Variants in LRP2 observed in about 807,000 individuals in gnomAD.
The protein encoded by LRP2 is low-density lipoprotein receptor-related protein 2.
LRP2 carries 172 observed loss-of-function variants against 531.0 expected under a neutral mutation model. The ratio of observed to expected loss-of-function variants is 0.32; its 90% CI spans 0.29 to 0.37. LRP2 has a LOEUF of 0.37. Ranked by LOEUF, LRP2 falls within the 10% of genes least tolerant of loss-of-function variation. LRP2 has a pLI of 1.00. For missense variants in LRP2, 5,167 were observed against 5,868.3 expected, an observed-to-expected ratio of 0.88 and a Z score of 3.90; for synonymous variants, 1,992 against 2,027.6, an observed-to-expected ratio of 0.98 and a Z score of 0.47.
At chr2:169,209,738 G>T in intron 37 of LRP2, 97 bp from the exon 38 acceptor site, 2 of 1,135,048 alleles carry the variant, frequency 1.8e-6, no homozygotes, top group Non-Finnish European at 2.6e-6. Flanking sequence ...CCAACCCCCT[G>T]CTCTGAGCAT....
At chr2:169,296,903 G>A (rs1684147354) in intron 4 of LRP2, among the ~76,000 whole-genome samples, 1 of 152,114 alleles carries the variant, frequency 6.6e-6, no homozygotes, top group Non-Finnish European at 1.5e-5. Context: ...GAGGTCAGCA[G>A]TTTGACTTTT....
chr2:169,203,951 C>T, intron 42 of LRP2, 31 bp downstream of exon 42: 1 of 1,611,290 alleles, frequency 6.2e-7, no homozygotes, highest in Non-Finnish European at 8.5e-7. Flanking sequence ...CATTATTCTC[C>T]ATGTTCTAAT....
chr2:169,199,596 T>C (rs1245964066), intron 44 of LRP2, among the ~76,000 whole-genome samples: 3 of 151,948 alleles, frequency 2.0e-5, no homozygotes, highest in Non-Finnish European at 4.4e-5. Context: ...ATAAAATCAA[T>C]AAAATAAAAT....
rs909225856 is a variant in LRP2 at position 169,257,049 on chromosome 2, T to C, written c.2639+75A>G. The C allele has an allele frequency of 2.5e-6, 4 of 1,575,278 alleles. No homozygotes were observed. In the African/African-American group the frequency reaches 4.1e-5, roughly 16 times the overall value. The stretch of plus-strand genomic sequence containing the variant: ...CAGTACCAGTTTCCTTACACCATCA[T>C]ATCACCCAACCTGCCTCATTATGTG... On this transcript the variant is annotated intron_variant, in intron 18 of 78. Transcript: ENST00000649046.
intron 16 of LRP2, among the ~76,000 whole-genome samples, chr2:169,264,867 A>C (rs1690728969): frequency 6.6e-6 from 1 of 151,940 alleles, no homozygotes; most frequent in Non-Finnish European, 1.5e-5. Flanking sequence ...GGGACCACAG[A>C]TTTTCTCTGG....
intron 71 of LRP2, among the ~76,000 whole-genome samples, chr2:169,141,976 T>A (rs913801899): frequency 6.6e-6 from 1 of 152,200 alleles, no homozygotes; most frequent in African/African-American, 2.4e-5. Flanking sequence ...AGAAGGTGGT[T>A]AAGCGTTTTC....
rs907576893 is a variant in LRP2, at chr2:169,267,062, CT to C, written c.2320+3841del. The stretch of plus-strand genomic sequence containing the variant: ...GCCACCACATCTGGCTAATTTTTTT[CT>C]TTTTTTGGTACAAGTGGAATCTCAC... On this transcript the variant is annotated intron_variant, in intron 16 of 78. Coordinates refer to ENST00000649046, the MANE Select transcript of LRP2 (RefSeq NM_004525.3). Among the ~76,000 whole-genome samples the C allele has an allele frequency of 2.6e-4, 40 of 151,244 alleles. 1 individual carries two copies. The highest frequency in any genetic ancestry group is 8.7e-4 in the African/African-American group (36 of 41,244).
At chr2:169,166,586 T>A (rs1686793118) in intron 61 of LRP2, among the ~76,000 whole-genome samples, 1 of 152,114 alleles carries the variant, frequency 6.6e-6, no homozygotes, top group Non-Finnish European at 1.5e-5. Flanking sequence ...TGTCATAGAG[T>A]CTCTACCGCA....
At chr2:169,163,649 G>A (rs1309784574) in intron 62 of LRP2, among the ~76,000 whole-genome samples, 2 of 152,108 alleles carry the variant, frequency 1.3e-5, no homozygotes, top group Admixed American at 1.3e-4. Flanking sequence ...CAGATCAAAT[G>A]CCTGGTATGT....
At chr2:169,323,567 T>C (rs1684960717) in intron 1 of LRP2, among the ~76,000 whole-genome samples, 1 of 151,862 alleles carries the variant, frequency 6.6e-6, no homozygotes, top group Admixed American at 6.6e-5. Flanking sequence ...TAGCCTTTAC[T>C]CACAAGCCCT....
intron 1 of LRP2, among the ~76,000 whole-genome samples, chr2:169,327,788 C>T (rs1447654598): frequency 8.5e-6 from 1 of 117,840 alleles, no homozygotes. Context: ...GCCAGCCGCC[C>T]CGTCTGGGAG....
intron 8 of LRP2, among the ~76,000 whole-genome samples, chr2:169,290,412 T>G (rs914510170): frequency 6.6e-6 from 1 of 151,862 alleles, no homozygotes; most frequent in Admixed American, 6.6e-5. Context: ...GCGTTAGGGA[T>G]TAGGAACGGG....
intron 1 of LRP2, among the ~76,000 whole-genome samples, chr2:169,329,648 C>T (rs950365758): frequency 2.0e-5 from 3 of 152,284 alleles, no homozygotes; most frequent in Middle Eastern, 3.4e-3. Flanking sequence ...GCTTGGAGCT[C>T]CACTTCAATC....
At chr2:169,338,027 C>A (rs1036351881) in intron 1 of LRP2, among the ~76,000 whole-genome samples, 2 of 151,896 alleles carry the variant, frequency 1.3e-5, no homozygotes, top group African/African-American at 4.8e-5. Context: ...GGATCGCTTG[C>A]GCCCGGGAGT....
chr2:169,255,901 T>C (rs1690286606), intron 19 of LRP2, among the ~76,000 whole-genome samples: 1 of 152,118 alleles, frequency 6.6e-6, no homozygotes, highest in South Asian at 2.1e-4. Context: ...TACGAATATA[T>C]ACAAAACAAA....
intron 46 of LRP2, among the ~76,000 whole-genome samples, chr2:169,195,334 T>C (rs1200428777): frequency 6.6e-6 from 1 of 152,160 alleles, no homozygotes; most frequent in Non-Finnish European, 1.5e-5. Context: ...TTAAAATCTA[T>C]ATATCAAGAT....
chr2:169,172,636 A>G (rs1458269031), intron 57 of LRP2, among the ~76,000 whole-genome samples: 1 of 152,232 alleles, frequency 6.6e-6, no homozygotes, highest in African/African-American at 2.4e-5. Flanking sequence ...CAGATGTCCA[A>G]TAGATAACAG....
chr2:169,343,575 T>A (rs1356021287), intron 1 of LRP2, among the ~76,000 whole-genome samples: 2 of 152,128 alleles, frequency 1.3e-5, no homozygotes, highest in African/African-American at 4.8e-5. Context: ...CAGGTACCTA[T>A]AAGGTAGAAA....
At chr2:169,215,093 C>A (rs1485257774) in intron 35 of LRP2, among the ~76,000 whole-genome samples, 1 of 152,218 alleles carries the variant, frequency 6.6e-6, no homozygotes, top group Non-Finnish European at 1.5e-5. Flanking sequence ...CTCGTCATTG[C>A]ACACATGCAC....
Sources: allele counts gnomAD v4.1 joint callset (sites outside exome capture counted in the v4.1 genomes callset), GRCh38; gene constraint gnomAD v4.1.1; transcripts MANE v1.5; gene names NCBI Gene and HGNC (gene_info 2026-07-23, HGNC 2026-07-21).